Variants in ZYG11B observed in about 807,000 individuals in gnomAD.
ZYG11B encodes the protein protein zyg-11 homolog B.
Under a neutral mutation model 82.4 loss-of-function variants are expected in ZYG11B, and 36 were observed. The ratio of observed to expected loss-of-function variants is 0.44; its 90% CI spans 0.33 to 0.58. ZYG11B has a LOEUF of 0.58. Among genes scored for constraint, ZYG11B ranks in the 20% least tolerant of loss-of-function variants. The pLI is 0.02. For synonymous variants in ZYG11B, 303 were observed against 312.8 expected, an observed-to-expected ratio of 0.97 and a Z score of 0.33; for missense variants, 552 against 895.6, an observed-to-expected ratio of 0.62 and a Z score of 4.90.
rs548754611 is a variant in ZYG11B, at chr1:52,786,983, G to C, written c.1269+1930G>C. Among the ~76,000 whole-genome samples the C allele has an allele frequency of 3.9e-5, 6 of 152,148 alleles. No individual in the cohort carries two copies. In the South Asian group the frequency reaches 1.0e-3, roughly 26 times the overall value. ...CGCATGCTTATAATCCCAGCTACTCGGGAGGCTGAGGCAGGAGAATCGCTT... is the reference window on the plus strand; with the variant it reads ...CGCATGCTTATAATCCCAGCTACTCCGGAGGCTGAGGCAGGAGAATCGCTT... On this transcript the variant is annotated intron_variant, in intron 5 of 13. Transcript: ENST00000294353.
chr1:52,773,305 C>A lies in ZYG11B; in HGVS notation c.951+1531C>A, dbSNP rs1352419949. On this transcript the variant is annotated intron_variant, in intron 3 of 13. Coordinates refer to ENST00000294353, the MANE Select transcript of ZYG11B (RefSeq NM_024646.3). ...CTTGGCCAACATGGTGAAACCCCGT[C>A]TCTACTAAAAATACAAAAATTAGCC... 2.0e-5 allele frequency among the ~76,000 whole-genome samples: 3 copies of A among 151,360 alleles called. No individual in the cohort carries two copies. In the East Asian group the frequency reaches 6.0e-4, roughly 30 times the overall value.
Position 52,757,535 on chromosome 1 carries a change from T to A in ZYG11B, c.196+912T>A, listed in dbSNP as rs114116501. Among the ~76,000 whole-genome samples, 1,244 of 151,784 alleles carry A rather than the reference T, an allele frequency of 8.2e-3. 17 individuals are homozygous for A. The Middle Eastern group carries it at 0.13, about 16-fold the overall frequency. On this transcript the variant is annotated intron_variant, in intron 2 of 13. Coordinates refer to ENST00000294353, the MANE Select transcript of ZYG11B (RefSeq NM_024646.3). ...TACTAAAATACAAAAATTAGCTGAG[T>A]GTGGCAATACGTGCCTATAATCTCA...
intron 6 of ZYG11B, among the ~76,000 whole-genome samples, chr1:52,793,581 G>A (rs1403963296): frequency 6.6e-6 from 1 of 152,160 alleles, no homozygotes; most frequent in African/African-American, 2.4e-5. Context: ...TGACTGCATT[G>A]CCTCACGATA....
chr1:52,781,360 G>A (rs1644854199), intron 4 of ZYG11B, among the ~76,000 whole-genome samples: 1 of 152,086 alleles, frequency 6.6e-6, no homozygotes, highest in African/African-American at 2.4e-5. Context: ...TTAGCCAGCT[G>A]TGGTGGCACG....
intron 5 of ZYG11B, among the ~76,000 whole-genome samples, chr1:52,787,810 A>G (rs61771061): frequency 2.1e-5 from 3 of 146,328 alleles, no homozygotes; most frequent in East Asian, 2.0e-4. Context: ...AAAAAAAAAA[A>G]CCCTGGGAAT....
At chr1:52,751,642 C>CA (rs1172074924) in intron 1 of ZYG11B, among the ~76,000 whole-genome samples, 11 of 152,006 alleles carry the variant, frequency 7.2e-5, no homozygotes, top group Admixed American at 5.9e-4. Flanking sequence ...CAAAAACACA[C>CA]AAAAAACCCC....
intron 10 of ZYG11B, among the ~76,000 whole-genome samples, chr1:52,804,951 C>T (rs190734840): frequency 1.3e-5 from 2 of 151,054 alleles, no homozygotes; most frequent in Non-Finnish European, 3.0e-5. Context: ...ATTAGCCGGG[C>T]GTGGTGGCGC....
At chr1:52,796,212 A>T in intron 6 of ZYG11B, 80 bp from the exon 7 acceptor site, 1 of 991,704 alleles carries the variant, frequency 1.0e-6, no homozygotes, top group Non-Finnish European at 1.6e-6. Flanking sequence ...TTTAAGTTGT[A>T]GCATCAGTTC....
In ZYG11B at chr1:52,785,166, G is replaced by T. The variant is rs547316936; in HGVS notation, c.1269+113G>T. The T allele has an allele frequency of 2.1e-3, 2,338 of 1,139,472 alleles. 6 individuals are homozygous for T. The highest frequency in any genetic ancestry group is 2.7e-3 in the Non-Finnish European group (2,230 of 817,902). The allele number at this position is 1,139,472 out of a possible 1,614,324, so 70.6% of individuals were successfully genotyped here. A position where few individuals can be genotyped will look rare whatever the true frequency, so the allele number is the denominator to read the frequency against. ...AATTCAAATGCCTTTGGAGGCTGTG[G>T]TATGACTGAGTGTAAGAAAACAGAG... On this transcript the variant is annotated intron_variant, in intron 5 of 13. Transcript: ENST00000294353.
intron 1 of ZYG11B, among the ~76,000 whole-genome samples, chr1:52,741,135 T>TA (rs1432623864): frequency 6.6e-6 from 1 of 151,122 alleles, no homozygotes; most frequent in Non-Finnish European, 1.5e-5. Context: ...CCATCTCTAC[T>TA]AAAAATACAA....
intron 5 of ZYG11B, among the ~76,000 whole-genome samples, chr1:52,789,769 T>C (rs1055805182): frequency 6.6e-6 from 1 of 152,056 alleles, no homozygotes; most frequent in African/African-American, 2.4e-5. Flanking sequence ...GCTGTAATTA[T>C]CCTATTTATG....
At chr1:52,803,263 T>TAC (rs1464532286) in intron 10 of ZYG11B, among the ~76,000 whole-genome samples, 4 of 80,442 alleles carry the variant, frequency 5.0e-5, no homozygotes, top group Middle Eastern at 6.7e-3. Flanking sequence ...TATATATATA[T>TAC]ATACACACAC....
chr1:52,773,417 A>C (rs61436641), intron 3 of ZYG11B, among the ~76,000 whole-genome samples: 1 of 150,048 alleles, frequency 6.7e-6, no homozygotes, highest in Admixed American at 6.7e-5. Context: ...GAAGTTGCAG[A>C]GAGCCAAGAT....
chr1:52,735,729 G>A (rs1251289726), intron 1 of ZYG11B, among the ~76,000 whole-genome samples: 1 of 151,958 alleles, frequency 6.6e-6, no homozygotes, highest in Non-Finnish European at 1.5e-5. Flanking sequence ...GAAGAGATGG[G>A]GTTTCACTAT....
At chr1:52,819,408 C>G (rs1315157035) in intron 13 of ZYG11B, among the ~76,000 whole-genome samples, 1 of 152,166 alleles carries the variant, frequency 6.6e-6, no homozygotes, top group Non-Finnish European at 1.5e-5. Context: ...TTCCCAGTCT[C>G]TAATCTATAG....
Position 52,756,622 on chromosome 1 carries a change from T to G in ZYG11B, c.195T>G (p.His65Gln). ...GACTGCTTCGGACCATGGCTTTTCATGGTAAAAAAATAAACAGAGGAAACA... is the reference window on the plus strand; with the variant it reads ...GACTGCTTCGGACCATGGCTTTTCAGGGTAAAAAAATAAACAGAGGAAACA... Reference protein sequence around the residue: ...ADRLLRTMAFHGLLNDGTVGI... With the variant: ...ADRLLRTMAFQGLLNDGTVGI... The change falls in exon 2 of 14, where the codon CAT (histidine) becomes CAG (glutamine). Residue 65 changes from histidine to glutamine, a missense_variant and splice_region_variant. Transcript: ENST00000294353. The G allele has an allele frequency of 6.3e-7, 1 of 1,598,078 alleles. No homozygotes were observed. The highest frequency in any genetic ancestry group is 8.5e-7 in the Non-Finnish European group (1 of 1,171,398).
At chr1:52,799,258 C>T (rs145924889) in intron 8 of ZYG11B, among the ~76,000 whole-genome samples, 93 of 151,930 alleles carry the variant, frequency 6.1e-4, no homozygotes, top group African/African-American at 2.1e-3. Flanking sequence ...GAGGCCGAGG[C>T]GGGTGGATCA....
Position 52,821,735 on chromosome 1 carries a change from C to A in ZYG11B, c.*106C>A, listed in dbSNP as rs1009801357. 2.8e-6 allele frequency: 3 copies of A among 1,087,426 alleles called. No homozygotes were observed. Among genetic ancestry groups the A allele is most frequent in the Admixed American group, 2.7e-5 (1 of 36,708 alleles). 67.4% of individuals were successfully genotyped at this position (1,087,426 alleles called of 1,614,324 possible). A position where few individuals can be genotyped will look rare whatever the true frequency, so the allele number is the denominator to read the frequency against. ...TTTTGGGGGTTTCTATGACAAGAGT[C>A]ATAAAATCAGTTTGGGATTGATAAT... is the stretch of plus-strand genomic sequence containing the variant. On this transcript the variant is annotated 3_prime_UTR_variant, in exon 14 of 14. Transcript: ENST00000294353.
intron 1 of ZYG11B, among the ~76,000 whole-genome samples, chr1:52,727,397 A>G (rs1454100939): frequency 6.6e-6 from 1 of 152,160 alleles, no homozygotes; most frequent in African/African-American, 2.4e-5. Context: ...GCAAAATCGA[A>G]GTGGTGGTGT....
Sources: gnomAD v4.1 joint callset for allele counts (sites outside exome capture counted in the v4.1 genomes callset) on GRCh38, gnomAD v4.1.1 for gene constraint, MANE v1.5 for transcripts, NCBI Gene and HGNC (gene_info 2026-07-23, HGNC 2026-07-21) for gene names.